KCNN3: variants seen among roughly 807,000 people sequenced by gnomAD.
KCNN3 encodes small conductance calcium-activated potassium channel protein 3.
A neutral mutation model predicts 62.9 loss-of-function variants in KCNN3; 16 were observed. The observed-to-expected ratio is 0.25, with a 90% CI of 0.17 to 0.39. The LOEUF (loss-of-function observed/expected upper bound fraction) is 0.39. KCNN3 is among the 10% of genes least tolerant of loss of function. KCNN3 has a pLI of 1.00. For synonymous variants in KCNN3, 370 were observed against 389.2 expected (o/e 0.95, Z 0.58); for missense variants, 599 against 949.4 (o/e 0.63, Z 4.85).
chr1:154,767,555 G>A (rs537596453), intron 3 of KCNN3, among the ~76,000 whole-genome samples: 1 of 152,340 alleles, frequency 6.6e-6, no homozygotes, highest in East Asian at 1.9e-4. Flanking sequence ...CTCAAGGCAC[G>A]CTAGGAAGGC....
intron 1 of KCNN3, among the ~76,000 whole-genome samples, chr1:154,838,112 G>A (rs1220240491): frequency 1.3e-5 from 2 of 152,184 alleles, no homozygotes; most frequent in Non-Finnish European, 2.9e-5. Flanking sequence ...GGCCAGAGGT[G>A]GATGGACAAG....
At chr1:154,731,892 CT>C (rs1183730609) in intron 4 of KCNN3, among the ~76,000 whole-genome samples, 3 of 152,136 alleles carry the variant, frequency 2.0e-5, no homozygotes, top group Admixed American at 2.0e-4. Context: ...GTTTCCTCCT[CT>C]GAAAAAAGTG....
chr1:154,802,053 T>C (rs1159807593), intron 2 of KCNN3, among the ~76,000 whole-genome samples: 2 of 152,122 alleles, frequency 1.3e-5, no homozygotes, highest in East Asian at 1.9e-4. Flanking sequence ...GAAATAATAA[T>C]AGTAACAAAA....
intron 2 of KCNN3, among the ~76,000 whole-genome samples, chr1:154,784,570 C>T (rs1649195939): frequency 6.6e-6 from 1 of 152,204 alleles, no homozygotes; most frequent in African/African-American, 2.4e-5. Flanking sequence ...TGCCTTCCTC[C>T]AGTATTCCCC....
chr1:154,783,385 C>A (rs1250962876), intron 2 of KCNN3, among the ~76,000 whole-genome samples: 1 of 152,198 alleles, frequency 6.6e-6, no homozygotes, highest in African/African-American at 2.4e-5. Context: ...GTAATCTAGA[C>A]TGGGCTATGT....
chr1:154,719,120 C>T (rs557659433), intron 5 of KCNN3, among the ~76,000 whole-genome samples: 4 of 152,234 alleles, frequency 2.6e-5, no homozygotes, highest in Admixed American at 2.6e-4. Flanking sequence ...AAAGGAGCAC[C>T]TTTCTTGGGC....
At chr1:154,736,497 A>G (rs1700713208) in intron 3 of KCNN3, among the ~76,000 whole-genome samples, 1 of 152,238 alleles carries the variant, frequency 6.6e-6, no homozygotes, top group African/African-American at 2.4e-5. Flanking sequence ...CTTCTACATG[A>G]AAGACTGACT....
intron 2 of KCNN3, among the ~76,000 whole-genome samples, chr1:154,777,749 T>C (rs1440733731): frequency 2.0e-5 from 3 of 152,178 alleles, no homozygotes; most frequent in African/African-American, 7.2e-5. Context: ...TGGCCTCTGA[T>C]GGATTCTGGA....
At position 154,703,593 on chromosome 1, in the gene KCNN3, G is replaced by A. The variant is rs1240921437; in HGVS notation, c.*4383C>T. ...ATGACTTCACAGTATCTCAGTTGTGGTACTGTGATGGGAGCAACACCGTTT... is the reference window on the plus strand; with the variant it reads ...ATGACTTCACAGTATCTCAGTTGTGATACTGTGATGGGAGCAACACCGTTT... On this transcript the variant is annotated 3_prime_UTR_variant, in exon 8 of 8. Transcript: ENST00000271915. 1 of 152,212 alleles carries A rather than the reference G, an allele frequency of 6.6e-6. No homozygotes were observed. The allele number at this position is 152,212 out of a possible 1,614,324, so 9.4% of individuals were successfully genotyped here.
intron 2 of KCNN3, among the ~76,000 whole-genome samples, chr1:154,796,119 T>A (rs1301230035): frequency 6.6e-6 from 1 of 152,118 alleles, no homozygotes; most frequent in Non-Finnish European, 1.5e-5. Context: ...TAAGACCTGG[T>A]GTTGGGGGAT....
At chr1:154,867,001 C>G (rs1023859462) in intron 1 of KCNN3, among the ~76,000 whole-genome samples, 9 of 152,236 alleles carry the variant, frequency 5.9e-5, no homozygotes, top group African/African-American at 2.2e-4. Flanking sequence ...CTGTGCACAG[C>G]CACTGTCTCT....
At chr1:154,777,263 A>G (rs1370614653) in intron 2 of KCNN3, among the ~76,000 whole-genome samples, 1 of 151,844 alleles carries the variant, frequency 6.6e-6, no homozygotes, top group Non-Finnish European at 1.5e-5. Context: ...GGTGCACCTG[A>G]GCTCTCCAGG....
At chr1:154,826,039 T>A (rs1219964408) in intron 1 of KCNN3, among the ~76,000 whole-genome samples, 1 of 132,062 alleles carries the variant, frequency 7.6e-6, no homozygotes. Flanking sequence ...AGAGCGAGAC[T>A]CCATCTTAAA....
At chr1:154,800,901 C>T (rs979910023) in intron 2 of KCNN3, among the ~76,000 whole-genome samples, 7 of 120,112 alleles carry the variant, frequency 5.8e-5, no homozygotes, top group East Asian at 3.1e-4. Context: ...AAAGATTAGC[C>T]GGGCATGATT....
chr1:154,840,579 G>A (rs891548006), intron 1 of KCNN3, among the ~76,000 whole-genome samples: 2 of 152,202 alleles, frequency 1.3e-5, no homozygotes, highest in South Asian at 2.1e-4. Context: ...GGGAGCAACT[G>A]CCTGCAGAGA....
In KCNN3 at chr1:154,813,056, A is replaced by C. The variant is rs139433821; in HGVS notation, c.1029+9033T>G. Reference sequence around the variant, plus strand: ...GGCCTAATCTGCCCACTTTACAGACAACACAACTGAGATTGAGCTAGAACA... The same window carrying C: ...GGCCTAATCTGCCCACTTTACAGACCACACAACTGAGATTGAGCTAGAACA... On this transcript the variant is annotated intron_variant, in intron 2 of 7. Transcript: ENST00000271915. Among the ~76,000 whole-genome samples the C allele has an allele frequency of 5.4e-3, 830 of 152,306 alleles. 36 individuals carry two copies. The highest frequency in any genetic ancestry group is 0.048 in the Admixed American group (736 of 15,304).
At chr1:154,719,943 A>G (rs1006276478) in intron 5 of KCNN3, among the ~76,000 whole-genome samples, 5 of 152,130 alleles carry the variant, frequency 3.3e-5, no homozygotes, top group African/African-American at 1.2e-4. Context: ...GGGTAGAGAG[A>G]GAGGAGGTGT....
intron 2 of KCNN3, among the ~76,000 whole-genome samples, chr1:154,792,427 T>C (rs1649555086): frequency 1.3e-5 from 2 of 152,244 alleles, no homozygotes; most frequent in African/African-American, 4.8e-5. Context: ...ATACAGACTA[T>C]AGAAGATGTT....
Position 154,725,909 on chromosome 1 carries a change from A to G in KCNN3, c.1701+7T>C. On this transcript the variant is annotated splice_region_variant and intron_variant, in intron 5 of 7. Transcript: ENST00000271915. Reference sequence around the variant, plus strand: ...CCCCCATAAGACATGGCTGTGTGGCATCTTACCCGCTTGGTGAGCTGAGTG... The same window carrying G: ...CCCCCATAAGACATGGCTGTGTGGCGTCTTACCCGCTTGGTGAGCTGAGTG... 1 of 1,609,480 alleles carries G rather than the reference A, an allele frequency of 6.2e-7. No homozygotes were observed. Among genetic ancestry groups the G allele is most frequent in the Non-Finnish European group, 8.5e-7 (1 of 1,175,904 alleles).
Sources: allele counts gnomAD v4.1 joint callset (sites outside exome capture counted in the v4.1 genomes callset), GRCh38; gene constraint gnomAD v4.1.1; transcripts MANE v1.5; gene names NCBI Gene and HGNC (gene_info 2026-07-23, HGNC 2026-07-21).